The following MAP3K5 variants were observed in gnomAD, a reference collection of about 807,000 sequenced individuals.
MAP3K5 encodes the protein ASK-1.
Under a neutral mutation model 158.7 loss-of-function variants are expected in MAP3K5, and 56 were observed. That is an observed-to-expected ratio of 0.35 (90% confidence interval 0.28 to 0.44). The LOEUF is 0.44. MAP3K5 is among the 20% of genes least tolerant of loss of function. The probability of loss-of-function intolerance (pLI) is 1.00; values close to 1 mark genes in which losing one functional copy is unlikely to be tolerated. For synonymous variants in MAP3K5, 579 were observed against 601.7 expected (o/e 0.96, Z 0.55); for missense variants, 1,294 against 1,674.8 (o/e 0.77, Z 3.97).
intron 14 of MAP3K5, among the ~76,000 whole-genome samples, chr6:136,625,996 A>T (rs1260483116): frequency 6.6e-6 from 1 of 152,250 alleles, no homozygotes; most frequent in Admixed American, 6.5e-5. Flanking sequence ...GAAAAATAAA[A>T]ACAAACTCAC....
upstream of MAP3K5, among the ~76,000 whole-genome samples, chr6:136,792,683 C>A (rs959556994): frequency 2.0e-5 from 3 of 152,204 alleles, no homozygotes; most frequent in African/African-American, 7.2e-5. This position sits in a 1 kb window ranked among gnomAD's most constrained non-coding sequence, Gnocchi z 5.7. Flanking sequence ...CGTCCCGGAA[C>A]AGCAGCAGCG....
intron 10 of MAP3K5, among the ~76,000 whole-genome samples, chr6:136,655,018 A>C (rs775423903): frequency 1.3e-5 from 2 of 151,708 alleles, no homozygotes; most frequent in Non-Finnish European, 2.9e-5. Context: ...ACTTCTCAAT[A>C]TTTTCTGGTT....
chr6:136,676,133 C>T (rs998177843), intron 7 of MAP3K5, among the ~76,000 whole-genome samples: 2 of 152,082 alleles, frequency 1.3e-5, no homozygotes, highest in Admixed American at 6.6e-5. Context: ...CTATCTGCTC[C>T]AAGAGAATGT....
chr6:136,778,169 T>C (rs1784472045), intron 1 of MAP3K5, among the ~76,000 whole-genome samples: 1 of 152,208 alleles, frequency 6.6e-6, no homozygotes, highest in Admixed American at 6.5e-5. Context: ...AATAATATTT[T>C]ACCTGTATTT....
At chr6:136,641,191 G>A (rs1018423093) in intron 12 of MAP3K5, among the ~76,000 whole-genome samples, 2 of 152,146 alleles carry the variant, frequency 1.3e-5, no homozygotes, top group African/African-American at 4.8e-5. Context: ...TATATAATGA[G>A]TCAGTCCATC....
chr6:136,745,905 C>T lies in MAP3K5; in HGVS notation c.449-25316G>A, dbSNP rs914538459. Among the ~76,000 whole-genome samples, 4 of 152,190 alleles carry T rather than the reference C, an allele frequency of 2.6e-5. No homozygotes were observed. In the South Asian group the frequency reaches 6.2e-4, roughly 24 times the overall value. On this transcript the variant is annotated intron_variant, in intron 1 of 29. Coordinates refer to ENST00000359015, the MANE Select transcript of MAP3K5 (RefSeq NM_005923.4). ...GTCACGTTCCAAAGTCTCATCCTAA[C>T]GTTAGCTTAATGTCTAACATTGCTT...
In MAP3K5 at chr6:136,557,603, T is replaced by A; in HGVS notation, c.*155A>T. 1 of 571,114 alleles carries A rather than the reference T, an allele frequency of 1.8e-6. No individual in the cohort carries two copies. Among genetic ancestry groups the A allele is most frequent in the East Asian group, 2.9e-5 (1 of 34,512 alleles). 35.4% of individuals were successfully genotyped at this position (571,114 alleles called of 1,614,324 possible). ...TAGATGTAGTTAGGAAATTTCAGTGTGTTTTGTCTGTTTTTTTTTTTTTTA... is the reference window on the plus strand; with the variant it reads ...TAGATGTAGTTAGGAAATTTCAGTGAGTTTTGTCTGTTTTTTTTTTTTTTA... On this transcript the variant is annotated 3_prime_UTR_variant, in exon 30 of 30. Coordinates refer to ENST00000359015, the MANE Select transcript of MAP3K5 (RefSeq NM_005923.4).
chr6:136,567,734 T>C lies in MAP3K5; in HGVS notation c.3658A>G (p.Thr1220Ala). 6.2e-7 allele frequency: 1 copy of C among 1,614,136 alleles called. No individual in the cohort carries two copies. Among genetic ancestry groups the C allele is most frequent in the Non-Finnish European group, 8.5e-7 (1 of 1,180,034 alleles). Residue 1220 changes from threonine (T) to alanine (A), a missense_variant, in exon 26 of 30, where the codon ACC (threonine) becomes GCC (alanine). By Grantham distance (58) the Thr-to-Ala change is moderately conservative. Around this residue, in one of 5 missense-constraint regions of MAP3K5, gnomAD observed 199 missense variants for 220.3 expected, o/e 0.90. Transcript: ENST00000359015. The part of the protein sequence containing the change: ...PQAVIEDAVA[T>A]SGVSTLSSTV... ...GAACTGAGCGTGCTCACGCCTGAGG[T>C]AGCCACAGCATCTTCAATGACAGCC...
At chr6:136,675,119 A>G (rs1489901526) in intron 7 of MAP3K5, among the ~76,000 whole-genome samples, 2 of 152,000 alleles carry the variant, frequency 1.3e-5, no homozygotes, top group African/African-American at 4.8e-5. Flanking sequence ...TCATAATGAT[A>G]AAGAGGTAAA....
At chr6:136,569,327 A>T (rs1436701352) in intron 25 of MAP3K5, among the ~76,000 whole-genome samples, 1 of 152,198 alleles carries the variant, frequency 6.6e-6, no homozygotes, top group East Asian at 1.9e-4. Context: ...TGAGAGATTC[A>T]ACTAAGAGTC....
chr6:136,688,038 G>C (rs996013982), intron 7 of MAP3K5, among the ~76,000 whole-genome samples: 7 of 152,178 alleles, frequency 4.6e-5, no homozygotes, highest in Non-Finnish European at 8.8e-5. Flanking sequence ...ATCAATGATA[G>C]ACTGGATAAA....
rs570367138 is a variant in MAP3K5 at position 136,613,521 on chromosome 6, T to A, written c.2279-265A>T. The stretch of plus-strand genomic sequence containing the variant: ...GATAGATACTGAAATGGTTCCCATA[T>A]TTATGTATTGTCTCTGTGAAATTAC... On this transcript the variant is annotated intron_variant, in intron 16 of 29. Transcript: ENST00000359015. The surrounding 1 kb of genome is among the most constrained non-coding windows in gnomAD (Gnocchi z 4.0). 6.6e-6 allele frequency among the ~76,000 whole-genome samples: 1 copy of A among 152,324 alleles called. No homozygotes were observed. The highest frequency in any genetic ancestry group is 1.9e-4 in the East Asian group (1 of 5,188).
At chr6:136,736,439 T>C (rs1283348601) in intron 1 of MAP3K5, among the ~76,000 whole-genome samples, 8 of 152,216 alleles carry the variant, frequency 5.3e-5, no homozygotes, top group Non-Finnish European at 1.2e-4. Context: ...AGTAAATAAT[T>C]TCATTCCTAG....
At position 136,582,263 on chromosome 6, in the gene MAP3K5, CGTGTGTGTGTGTGTGTGTGT is replaced by C. The variant is rs61451347; in HGVS notation, c.3411+1272_3411+1291del. Among the ~76,000 whole-genome samples the C allele has an allele frequency of 6.4e-3, 886 of 138,130 alleles. 9 individuals are homozygous for C. The highest frequency in any genetic ancestry group is 0.011 in the Non-Finnish European group (713 of 62,862). The allele number at this position is 138,130 out of a possible 152,430, so 90.6% of individuals were successfully genotyped here. A position where few individuals can be genotyped will look rare whatever the true frequency, so the allele number is the denominator to read the frequency against. Reference sequence around the variant, plus strand: ...GTGTATGTGTACACGTGTGTGTATACGTGTGTGTGTGTGTGTGTGTGTGTGTGTGTGTGTGTGTGTGTGTG... The same window carrying C: ...GTGTATGTGTACACGTGTGTGTATACGTGTGTGTGTGTGTGTGTGTGTGTG... On this transcript the variant is annotated intron_variant, in intron 24 of 29. Coordinates refer to ENST00000359015, the MANE Select transcript of MAP3K5 (RefSeq NM_005923.4).
At chr6:136,700,899 T>G (rs1780826092) in intron 3 of MAP3K5, among the ~76,000 whole-genome samples, 1 of 152,116 alleles carries the variant, frequency 6.6e-6, no homozygotes, top group South Asian at 2.1e-4. Flanking sequence ...AAAGTCCAGG[T>G]TATCCATTCC....
chr6:136,729,627 G>C (rs946759931), intron 1 of MAP3K5, among the ~76,000 whole-genome samples: 2 of 152,326 alleles, frequency 1.3e-5, no homozygotes, highest in South Asian at 4.1e-4. Context: ...TGAAAACATA[G>C]AAAGCCAACA....
At chr6:136,651,156 A>G (rs895654856) in intron 10 of MAP3K5, 65 bp from the exon 11 acceptor site, 35 of 788,178 alleles carry the variant, frequency 4.4e-5, no homozygotes, top group African/African-American at 1.0e-4. Context: ...TAGAGCTGCT[A>G]TAACACCCCA....
At chr6:136,681,081 C>G (rs1429317934) in intron 7 of MAP3K5, among the ~76,000 whole-genome samples, 1 of 152,210 alleles carries the variant, frequency 6.6e-6, no homozygotes, top group Non-Finnish European at 1.5e-5. Context: ...CCAGGGCAAA[C>G]AATTTCACAT....
chr6:136,705,841 C>T (rs1184041934), intron 2 of MAP3K5, among the ~76,000 whole-genome samples: 1 of 152,176 alleles, frequency 6.6e-6, no homozygotes, highest in Non-Finnish European at 1.5e-5. Context: ...GGGGAAAAAA[C>T]AGTGTGTTAC....
Sources: allele counts gnomAD v4.1 joint callset (sites outside exome capture counted in the v4.1 genomes callset), GRCh38; gene constraint gnomAD v4.1.1; regional missense constraint gnomAD v4.1.1; non-coding constraint Gnocchi (gnomAD v3.1); transcripts MANE v1.5; gene names NCBI Gene and HGNC (gene_info 2026-07-23, HGNC 2026-07-21).